SYN3: variants seen among roughly 807,000 people sequenced by gnomAD.
SYN3 encodes synapsin-3.
A neutral mutation model predicts 65.8 loss-of-function variants in SYN3; 35 were observed. The observed-to-expected ratio is 0.53, with a 90% CI of 0.41 to 0.70. The LOEUF (loss-of-function observed/expected upper bound fraction) is 0.70. SYN3 is among the 30% of genes least tolerant of loss of function. The pLI is 0.00. For missense variants in SYN3, 680 were observed against 749.0 expected (o/e 0.91, Z 1.08); for synonymous variants, 270 against 292.9 (o/e 0.92, Z 0.80).
chr22:32,748,827 C>T (rs562337465), intron 6 of SYN3, among the ~76,000 whole-genome samples: 1 of 152,180 alleles, frequency 6.6e-6, no homozygotes, highest in Non-Finnish European at 1.5e-5. Flanking sequence ...CCCAGTAACA[C>T]CTGTGGCCTC....
chr22:32,518,010 T>C lies in SYN3; in HGVS notation c.1610+33A>G, dbSNP rs148664636. On this transcript the variant is annotated intron_variant, in intron 13 of 13. Transcript: ENST00000358763. ...AAGCTCTGCCTACACCCCAGCTCTATCCTATACCTTTTCCAATTCCCAAAG... is the reference window on the plus strand; with the variant it reads ...AAGCTCTGCCTACACCCCAGCTCTACCCTATACCTTTTCCAATTCCCAAAG... 52 of 1,507,388 alleles carry C rather than the reference T, an allele frequency of 3.4e-5. No individual in the cohort carries two copies. In the Admixed American group the frequency reaches 1.2e-3, roughly 35 times the overall value. The allele number at this position is 1,507,388 out of a possible 1,614,324, so 93.4% of individuals were successfully genotyped here.
chr22:32,757,366 C>T (rs563986199), intron 6 of SYN3, among the ~76,000 whole-genome samples: 19 of 145,340 alleles, frequency 1.3e-4, no homozygotes, highest in Non-Finnish European at 2.4e-4. Flanking sequence ...GGCGCAATCT[C>T]GGCTCACCAC....
chr22:32,954,348 A>G (rs1390039522), intron 3 of SYN3, among the ~76,000 whole-genome samples: 1 of 152,242 alleles, frequency 6.6e-6, no homozygotes, highest in Non-Finnish European at 1.5e-5. Flanking sequence ...CAGAGCTTTT[A>G]GAAGGTCGAC....
chr22:32,993,549 T>C (rs1023952779), intron 2 of SYN3, among the ~76,000 whole-genome samples: 7 of 152,198 alleles, frequency 4.6e-5, no homozygotes, highest in Admixed American at 6.5e-5. Context: ...TTTCACCATA[T>C]TGGCCAGGCT....
At chr22:32,604,209 A>G (rs1331834440) in intron 6 of SYN3, among the ~76,000 whole-genome samples, 1 of 152,206 alleles carries the variant, frequency 6.6e-6, no homozygotes, top group Non-Finnish European at 1.5e-5. Context: ...CGATGGGAAA[A>G]TCAAGATCGA....
intron 7 of SYN3, among the ~76,000 whole-genome samples, chr22:32,554,932 C>T (rs1174090146): frequency 6.6e-6 from 1 of 152,248 alleles, no homozygotes; most frequent in African/African-American, 2.4e-5. Context: ...AACTTGAATA[C>T]TGGATTGCTG....
chr22:32,719,569 A>T (rs1160834933), intron 6 of SYN3, among the ~76,000 whole-genome samples: 1 of 152,232 alleles, frequency 6.6e-6, no homozygotes, highest in Non-Finnish European at 1.5e-5. Context: ...GAGGCTGGGC[A>T]TGGTGGCTCA....
chr22:32,924,501 GCAT>G (rs2050417441), intron 4 of SYN3, among the ~76,000 whole-genome samples: 1 of 152,200 alleles, frequency 6.6e-6, no homozygotes, highest in Admixed American at 6.5e-5. Flanking sequence ...AGCATCAGCA[GCAT>G]CCAGGAGCTT....
chr22:32,967,156 GC>G (rs1450050383), intron 3 of SYN3, among the ~76,000 whole-genome samples: 1 of 152,144 alleles, frequency 6.6e-6, no homozygotes, highest in African/African-American at 2.4e-5. Flanking sequence ...ATTAGATACT[GC>G]CTATGATCAT....
intron 7 of SYN3, among the ~76,000 whole-genome samples, chr22:32,555,190 G>A (rs980015735): frequency 2.0e-5 from 3 of 152,160 alleles, no homozygotes; most frequent in Non-Finnish European, 2.9e-5. Context: ...TAGCCCTGAG[G>A]TTGATGCTGA....
chr22:32,917,655 G>A (rs973923422), intron 4 of SYN3, among the ~76,000 whole-genome samples: 8 of 152,334 alleles, frequency 5.3e-5, no homozygotes, highest in South Asian at 2.1e-4. Context: ...TCAGCGGGGC[G>A]CAGCCAGCGG....
At chr22:32,603,644 G>T (rs1410186617) in intron 6 of SYN3, among the ~76,000 whole-genome samples, 1 of 152,034 alleles carries the variant, frequency 6.6e-6, no homozygotes, top group African/African-American at 2.4e-5. Flanking sequence ...CTGTTCAAAT[G>T]GGTGTCGAAG....
chr22:32,986,227 T>G (rs2052523009), intron 2 of SYN3, among the ~76,000 whole-genome samples: 2 of 152,008 alleles, frequency 1.3e-5, no homozygotes, highest in African/African-American at 4.8e-5. Context: ...GGCACACCAT[T>G]GTAATACAGT....
chr22:32,911,382 G>A (rs891570401), intron 4 of SYN3, among the ~76,000 whole-genome samples: 3 of 152,188 alleles, frequency 2.0e-5, no homozygotes, highest in African/African-American at 7.2e-5. Flanking sequence ...CCCACTTGGA[G>A]GACACCGTAT....
intron 6 of SYN3, among the ~76,000 whole-genome samples, chr22:32,720,497 G>T (rs2061101672): frequency 6.6e-6 from 1 of 152,170 alleles, no homozygotes; most frequent in South Asian, 2.1e-4. Context: ...TGCTATCCAA[G>T]GCCCATTGCC....
chr22:33,007,497 C>T (rs560660384), intron 1 of SYN3, among the ~76,000 whole-genome samples: 4 of 152,264 alleles, frequency 2.6e-5, no homozygotes, highest in East Asian at 1.9e-4. Flanking sequence ...TATGATGCTT[C>T]GGAAATGAGC....
At chr22:32,814,311 G>GAGACAGAA (rs2047015052) in intron 6 of SYN3, among the ~76,000 whole-genome samples, 1 of 149,148 alleles carries the variant, frequency 6.7e-6, no homozygotes, top group Non-Finnish European at 1.5e-5. Flanking sequence ...GAGAGAGAGA[G>GAGACAGAA]AGAGACAGAA....
chr22:32,955,222 C>A (rs759568007), intron 3 of SYN3, among the ~76,000 whole-genome samples: 3 of 152,122 alleles, frequency 2.0e-5, no homozygotes, highest in Non-Finnish European at 4.4e-5. Flanking sequence ...AATGCATAGA[C>A]CCTGCTGTTC....
At chr22:32,875,608 C>T (rs1313591558) in intron 4 of SYN3, among the ~76,000 whole-genome samples, 1 of 152,148 alleles carries the variant, frequency 6.6e-6, no homozygotes, top group African/African-American at 2.4e-5. Flanking sequence ...TGAACCCTAA[C>T]CCAATGACTG....
Sources: allele counts gnomAD v4.1 joint callset (sites outside exome capture counted in the v4.1 genomes callset), GRCh38; gene constraint gnomAD v4.1.1; transcripts MANE v1.5; gene names NCBI Gene and HGNC (gene_info 2026-07-23, HGNC 2026-07-21).